Variants in GABBR2 observed in about 807,000 individuals in gnomAD.
GABBR2 encodes the protein G-protein coupled receptor 51.
Under a neutral mutation model 105.6 loss-of-function variants are expected in GABBR2, and 23 were observed. That is an observed-to-expected ratio of 0.22 (90% CI 0.16 to 0.31). GABBR2 has a LOEUF of 0.31. Ranked by LOEUF, GABBR2 falls within the 10% of genes least tolerant of loss-of-function variation. The pLI is 1.00. For synonymous variants in GABBR2, 478 were observed against 499.7 expected (o/e 0.96, Z 0.58); for missense variants, 734 against 1,245.5 (o/e 0.59, Z 6.18).
rs1826327343 is a variant in GABBR2, at chr9:98,456,446, AT to A, written c.1000-2230del. Among the ~76,000 whole-genome samples, 4 of 151,932 alleles carry A rather than the reference AT, an allele frequency of 2.6e-5. No homozygotes were observed. The South Asian group carries it at 8.3e-4, about 32-fold the overall frequency. On this transcript the variant is annotated intron_variant, in intron 6 of 18. Coordinates refer to ENST00000259455, the MANE Select transcript of GABBR2 (RefSeq NM_005458.8). ...TTTATTGCACTTGTCACTCCCTGCA[AT>A]TTTCCTCCTTATGTGTTTACTTGCT...
chr9:98,499,877 C>A (rs1016245181), intron 3 of GABBR2, among the ~76,000 whole-genome samples: 24 of 152,120 alleles, frequency 1.6e-4, no homozygotes, highest in Non-Finnish European at 3.1e-4. Context: ...CATGGTGAAA[C>A]CCCGTCTCTA....
At chr9:98,500,633 C>A (rs910971647) in intron 3 of GABBR2, among the ~76,000 whole-genome samples, 1 of 152,206 alleles carries the variant, frequency 6.6e-6, no homozygotes, top group Non-Finnish European at 1.5e-5. Flanking sequence ...AGACATTCGG[C>A]ATGGAGAGAA....
At position 98,289,737 on chromosome 9, in the gene GABBR2, G is replaced by A. The variant is rs1263092100; in HGVS notation, c.*847C>T. 1 of 152,656 alleles carries A rather than the reference G, an allele frequency of 6.6e-6. No individual in the cohort carries two copies. Among genetic ancestry groups the A allele is most frequent in the East Asian group, 1.9e-4 (1 of 5,194 alleles). 9.5% of individuals were successfully genotyped at this position (152,656 alleles called of 1,614,324 possible). On this transcript the variant is annotated 3_prime_UTR_variant, in exon 19 of 19. Coordinates refer to ENST00000259455, the MANE Select transcript of GABBR2 (RefSeq NM_005458.8). ...TGTTTGCTGGGAACAGACATTCCAT[G>A]ATTAGCTCGGGTGGTCCCCCTGGTT... is the stretch of plus-strand genomic sequence containing the variant.
intron 13 of GABBR2, among the ~76,000 whole-genome samples, chr9:98,318,454 C>T (rs1214050210): frequency 6.6e-6 from 1 of 152,180 alleles, no homozygotes; most frequent in Admixed American, 6.5e-5. Context: ...TGTTTCTGAC[C>T]CTGGACCAGA....
Position 98,306,276 on chromosome 9 carries a change from T to C in GABBR2, c.2074A>G (p.Ile692Val), listed in dbSNP as rs773914853. 1.7e-5 allele frequency: 27 copies of C among 1,614,162 alleles called. No individual in the cohort carries two copies. Among genetic ancestry groups the C allele is most frequent in the South Asian group, 5.5e-5 (5 of 91,082 alleles). ...CCCACGTTGTAGACACTCATCCCGATGTACTTGCTGTCGTTGAGTGCGGGG... is the reference window on the plus strand; with the variant it reads ...CCCACGTTGTAGACACTCATCCCGACGTACTTGCTGTCGTTGAGTGCGGGG... ...SIPALNDSKY[I>V]GMSVYNVGIM... The change falls in exon 15 of 19, where the codon ATC becomes GTC. Residue 692 changes from isoleucine (I) to valine (V), a missense_variant. Around this residue, in one of 7 missense-constraint regions of GABBR2, gnomAD observed 91 missense variants for 185.9 expected, o/e 0.49. Transcript: ENST00000259455. This position sits in a 1 kb window ranked among gnomAD's most constrained non-coding sequence, Gnocchi z 5.4.
rs540755325 is a variant in GABBR2, at chr9:98,358,732, G to T, written c.1893+3983C>A. 5.3e-5 allele frequency among the ~76,000 whole-genome samples: 8 copies of T among 152,330 alleles called. No homozygotes were observed. In the South Asian group the frequency reaches 1.7e-3, roughly 32 times the overall value. ...GAGCCATAGCTGGAGGCTTGGCAGT[G>T]GCAGGGGCGTCATGGAGTCAGGCTC... On this transcript the variant is annotated intron_variant, in intron 13 of 18. Transcript: ENST00000259455.
At chr9:98,340,150 A>G (rs534491119) in intron 13 of GABBR2, among the ~76,000 whole-genome samples, 1 of 151,648 alleles carries the variant, frequency 6.6e-6, no homozygotes, top group Admixed American at 6.6e-5. Flanking sequence ...CTGTGATGAA[A>G]AAAGAACATT....
chr9:98,557,210 C>T (rs1023169271), intron 2 of GABBR2, among the ~76,000 whole-genome samples: 4 of 152,276 alleles, frequency 2.6e-5, no homozygotes, highest in Middle Eastern at 3.4e-3. Flanking sequence ...CCCCTCACTC[C>T]AGCCTTCTCT....
chr9:98,591,284 G>A (rs186170619), intron 1 of GABBR2, among the ~76,000 whole-genome samples: 125 of 152,306 alleles, frequency 8.2e-4, no homozygotes, highest in African/African-American at 2.8e-3. Context: ...AAGTTGCGGG[G>A]CACCTTGGAG....
intron 1 of GABBR2, among the ~76,000 whole-genome samples, chr9:98,645,075 G>A (rs936393126): frequency 2.0e-5 from 3 of 152,166 alleles, no homozygotes; most frequent in Non-Finnish European, 4.4e-5. Context: ...ATTCTGGACA[G>A]CTTTCCTGAG....
At chr9:98,479,530 C>T (rs919818119) in intron 5 of GABBR2, among the ~76,000 whole-genome samples, 9 of 152,220 alleles carry the variant, frequency 5.9e-5, no homozygotes, top group African/African-American at 1.4e-4. Flanking sequence ...TCCCTTCTCC[C>T]GGCTAAATCA....
chr9:98,402,257 A>G lies in GABBR2; in HGVS notation c.1297+3824T>C, dbSNP rs1174132179. Among the ~76,000 whole-genome samples the G allele has an allele frequency of 3.9e-5, 6 of 152,150 alleles. No homozygotes were observed. In the East Asian group the frequency reaches 9.6e-4, roughly 24 times the overall value. On this transcript the variant is annotated intron_variant, in intron 8 of 18. Transcript: ENST00000259455. ...TAAACAAGGCTCTAATCACGGCTTCACTCAACTTCCTTCCCTGCTGCAAAT... is the reference window on the plus strand; with the variant it reads ...TAAACAAGGCTCTAATCACGGCTTCGCTCAACTTCCTTCCCTGCTGCAAAT...
intron 7 of GABBR2, among the ~76,000 whole-genome samples, chr9:98,416,734 T>G (rs1376443826): frequency 6.6e-6 from 1 of 152,244 alleles, no homozygotes; most frequent in Non-Finnish European, 1.5e-5. Flanking sequence ...CTCTGTCCTT[T>G]CATTTTCCTA....
intron 1 of GABBR2, among the ~76,000 whole-genome samples, chr9:98,580,889 G>T (rs74702403): frequency 0.016 from 2,441 of 152,154 alleles, 80 homozygotes; most frequent in African/African-American, 0.056. Flanking sequence ...TCTCCATTCT[G>T]TGTCCTCCTC....
chr9:98,545,371 TCTCTGGCTTTA>T (rs140577656), intron 2 of GABBR2, among the ~76,000 whole-genome samples: 3,910 of 152,288 alleles, frequency 0.026, 178 homozygotes, highest in African/African-American at 0.088. Flanking sequence ...CGTCACTGTT[TCTCTGGCTTTA>T]CTCTGGCTTT....
chr9:98,687,744 C>A (rs919032470), intron 1 of GABBR2, among the ~76,000 whole-genome samples: 3 of 152,176 alleles, frequency 2.0e-5, no homozygotes, highest in Non-Finnish European at 4.4e-5. Flanking sequence ...CACCCACACA[C>A]AATGTAGAAA....
intron 3 of GABBR2, among the ~76,000 whole-genome samples, chr9:98,524,900 A>G (rs1401790780): frequency 6.6e-6 from 1 of 152,208 alleles, no homozygotes; most frequent in Non-Finnish European, 1.5e-5. Context: ...GGGTGCCAAG[A>G]CCATTTAATG....
At chr9:98,699,257 A>G (rs538535967) in intron 1 of GABBR2, among the ~76,000 whole-genome samples, 1 of 152,266 alleles carries the variant, frequency 6.6e-6, no homozygotes, top group South Asian at 2.1e-4. Context: ...GTTTTGATGT[A>G]CCTTGGAGGA....
At chr9:98,558,061 C>G (rs974056869) in intron 2 of GABBR2, among the ~76,000 whole-genome samples, 13 of 151,968 alleles carry the variant, frequency 8.6e-5, no homozygotes, top group African/African-American at 3.1e-4. Context: ...TATCTGGGCA[C>G]TGGGGAATAG....
Sources: gnomAD v4.1 joint callset for allele counts (sites outside exome capture counted in the v4.1 genomes callset) on GRCh38, gnomAD v4.1.1 for gene constraint, gnomAD v4.1.1 regional missense constraint, Gnocchi (gnomAD v3.1) non-coding constraint, MANE v1.5 for transcripts, NCBI Gene and HGNC (gene_info 2026-07-23, HGNC 2026-07-21) for gene names.